SIGLEC5: variants seen among roughly 807,000 people sequenced by gnomAD.
The protein encoded by SIGLEC5 is sialic acid-binding Ig-like lectin 5.
Under a neutral mutation model 45.9 loss-of-function variants are expected in SIGLEC5, and 34 were observed. The observed-to-expected ratio is 0.74, with a 90% CI of 0.56 to 0.99. The LOEUF (loss-of-function observed/expected upper bound fraction) is 0.99, where lower values mean the gene tolerates loss of function less well. SIGLEC5 is among the 50% of genes least tolerant of loss of function. The pLI is 0.00. For missense variants in SIGLEC5, 508 were observed against 629.6 expected, an observed-to-expected ratio of 0.81 and a Z score of 2.07; for synonymous variants, 203 against 258.6, an observed-to-expected ratio of 0.79 and a Z score of 2.06.
chr19:51,628,600 C>T (rs537676688), intron 4 of SIGLEC5, among the ~76,000 whole-genome samples: 3 of 144,250 alleles, frequency 2.1e-5, no homozygotes, highest in South Asian at 4.5e-4. Context: ...TGTGCGTGTG[C>T]GGGTGTACGT....
intron 8 of SIGLEC5, 41 bp from the exon 9 acceptor site, chr19:51,612,463 G>A (rs768130861): frequency 2.1e-6 from 3 of 1,415,778 alleles, no homozygotes; most frequent in Admixed American, 2.0e-5. Context: ...TAGGAATAAA[G>A]AGGCAGGTGT....
chr19:51,627,774 A>C, intron 5 of SIGLEC5, 28 bp from the exon 6 acceptor site: 1 of 1,568,996 alleles, frequency 6.4e-7, no homozygotes, highest in African/African-American at 1.4e-5. Context: ...AGAACTCAGC[A>C]GGGGGCCTCT....
chr19:51,616,621 T>C (rs79731559), intron 8 of SIGLEC5, among the ~76,000 whole-genome samples: 5,623 of 151,934 alleles, frequency 0.037, 141 homozygotes, highest in Admixed American at 0.057. Flanking sequence ...AAGATAGAAA[T>C]AGAAAACTGG....
intron 8 of SIGLEC5, among the ~76,000 whole-genome samples, chr19:51,614,442 T>G (rs1982975931): frequency 6.6e-6 from 1 of 152,138 alleles, no homozygotes; most frequent in Non-Finnish European, 1.5e-5. Flanking sequence ...CCATACAGTT[T>G]TTTTAAAAGG....
chr19:51,628,079 A>C lies in SIGLEC5; in HGVS notation c.752T>G (p.Leu251Arg). ...IFRNGIALEILQNTSYLPVLE... is the reference protein window; with the variant it reads ...IFRNGIALEIRQNTSYLPVLE... ...GACCGGAAGGTATGAGGTGTTTTGC[A>C]GGATCTCTAGGGCTTTGGGGAGAGA... Residue 251 changes from leucine (L) to arginine (R), a missense_variant, in exon 5 of 9, where the codon CTG (leucine) becomes CGG (arginine). Leu to Arg is a moderately radical substitution (Grantham distance 102, BLOSUM62 -2). Transcript: ENST00000683636. 6.5e-7 allele frequency: 1 copy of C among 1,542,180 alleles called. No homozygotes were observed. The highest frequency in any genetic ancestry group is 8.7e-7 in the Non-Finnish European group (1 of 1,144,112).
At chr19:51,620,908 C>T (rs1012016642) in intron 8 of SIGLEC5, among the ~76,000 whole-genome samples, 5 of 152,132 alleles carry the variant, frequency 3.3e-5, no homozygotes, top group African/African-American at 1.2e-4. Flanking sequence ...TGGCCTTGAA[C>T]TCCTGGCCTC....
chr19:51,622,100 T>C (rs577001276), intron 8 of SIGLEC5, among the ~76,000 whole-genome samples: 8 of 151,902 alleles, frequency 5.3e-5, no homozygotes, highest in Non-Finnish European at 1.2e-4. Flanking sequence ...ACCTGATTCT[T>C]TTTTGTTTTG....
At chr19:51,613,831 T>A (rs1982948699) in intron 8 of SIGLEC5, among the ~76,000 whole-genome samples, 2 of 151,914 alleles carry the variant, frequency 1.3e-5, no homozygotes, top group African/African-American at 4.8e-5. Context: ...TGTTTCAGGT[T>A]CTGGGCACGT....
chr19:51,613,755 A>G (rs1982945577), intron 8 of SIGLEC5, among the ~76,000 whole-genome samples: 2 of 152,134 alleles, frequency 1.3e-5, no homozygotes, highest in South Asian at 4.1e-4. Context: ...GAGGTTAAGT[A>G]GCTTGCCCAG....
intron 8 of SIGLEC5, among the ~76,000 whole-genome samples, chr19:51,618,443 T>TAAAAAAAAAAAAAAAAAAAAA (rs1228951315): frequency 2.0e-5 from 1 of 49,452 alleles, no homozygotes; most frequent in African/African-American, 8.8e-5. Context: ...AGACCCTGCC[T>TAAAAAAAAAAAAAAAAAAAAA]AAAAAAAAAA....
rs76144786 is a variant in SIGLEC5, at chr19:51,611,870, A to G, written c.*361T>C. 5,453 of 155,186 alleles carry G rather than the reference A, an allele frequency of 0.035. 288 individuals carry two copies. Among genetic ancestry groups the G allele is most frequent in the African/African-American group, 0.12 (4,849 of 41,666 alleles). The allele number at this position is 155,186 out of a possible 1,614,324, so 9.6% of individuals were successfully genotyped here. A position where few individuals can be genotyped will look rare whatever the true frequency, so the allele number is the denominator to read the frequency against. On this transcript the variant is annotated 3_prime_UTR_variant, in exon 9 of 9. Transcript: ENST00000683636. Reference sequence around the variant, plus strand: ...GAGAACTTGCCAGCAGGACCTTTCTATTCAAGGAAGAGAGACCAGAAAGCA... The same window carrying G: ...GAGAACTTGCCAGCAGGACCTTTCTGTTCAAGGAAGAGAGACCAGAAAGCA...
chr19:51,627,317 C>T, intron 6 of SIGLEC5, 69 bp from the exon 7 acceptor site: 1 of 1,555,878 alleles, frequency 6.4e-7, no homozygotes, highest in Non-Finnish European at 8.8e-7. Flanking sequence ...ACCTGCTGGG[C>T]AACTTGCTCC....
At chr19:51,626,239 G>A (rs1983475713) in intron 7 of SIGLEC5, 126 bp from the exon 8 acceptor site, 1 of 701,576 alleles carries the variant, frequency 1.4e-6, no homozygotes, top group African/African-American at 1.8e-5. Flanking sequence ...TAAACTCGGA[G>A]ACCTTCCTGA....
intron 4 of SIGLEC5, 113 bp from the exon 5 acceptor site, chr19:51,628,204 T>C: frequency 7.2e-6 from 9 of 1,249,014 alleles, no homozygotes; most frequent in Non-Finnish European, 9.6e-6. Flanking sequence ...CCCTGGCCTA[T>C]GCTGGCTTGA....
At chr19:51,626,262 G>A in intron 7 of SIGLEC5, 149 bp from the exon 8 acceptor site, 1 of 639,666 alleles carries the variant, frequency 1.6e-6, no homozygotes, top group East Asian at 2.7e-5. Context: ...TCGGAGTGAG[G>A]GCTCCATCCT....
chr19:51,611,586 A>C lies in SIGLEC5; in HGVS notation c.*645T>G, dbSNP rs560567608. On this transcript the variant is annotated 3_prime_UTR_variant, in exon 9 of 9. Coordinates refer to ENST00000683636, the MANE Select transcript of SIGLEC5 (RefSeq NM_003830.4). ...ATGGGTTTGGGCAGGAAAGAGTTAG[A>C]CTCAACTCTTTGGCTGTTGGAAGGA... Among the ~76,000 whole-genome samples, 183 of 152,274 alleles carry C rather than the reference A, an allele frequency of 1.2e-3. No individual in the cohort carries two copies. Among genetic ancestry groups the C allele is most frequent in the African/African-American group, 4.1e-3 (170 of 41,558 alleles).
In SIGLEC5 at chr19:51,629,359, G is replaced by A. The variant is rs756775363; in HGVS notation, c.699C>T (p.Ser233=). The change falls in exon 3 of 9, where the codon TCC becomes TCT. Residue 233 remains serine (S), a splice_region_variant and synonymous_variant. Transcript: ENST00000683636. ...TTERTVQLNV[S]YAPQTITIFR... ...AGCTGTGTCCCCAGCACCACTCACA[G>A]GAGACATTGAGCTGGACAGTTCTCT... 2.5e-6 allele frequency: 4 copies of A among 1,612,954 alleles called. No individual in the cohort carries two copies. The Admixed American group carries it at 5.0e-5, about 20-fold the overall frequency.
At chr19:51,616,368 T>C (rs1983053389) in intron 8 of SIGLEC5, among the ~76,000 whole-genome samples, 1 of 152,184 alleles carries the variant, frequency 6.6e-6, no homozygotes, top group African/African-American at 2.4e-5. Context: ...AATAACAAAG[T>C]GTGCATGCAA....
chr19:51,613,917 C>T (rs922085742), intron 8 of SIGLEC5, among the ~76,000 whole-genome samples: 1 of 152,050 alleles, frequency 6.6e-6, no homozygotes, highest in Non-Finnish European at 1.5e-5. Flanking sequence ...TGTATACCTT[C>T]GGCATAGGTT....
Sources: allele counts gnomAD v4.1 joint callset (sites outside exome capture counted in the v4.1 genomes callset), GRCh38; gene constraint gnomAD v4.1.1; transcripts MANE v1.5; gene names NCBI Gene and HGNC (gene_info 2026-07-23, HGNC 2026-07-21).